FMO4: variants seen among roughly 807,000 people sequenced by gnomAD.
FMO4 encodes the protein flavin containing dimethylaniline monoxygenase 4.
A neutral mutation model predicts 43.3 loss-of-function variants in FMO4; 38 were observed. The observed-to-expected ratio is 0.88, with a 90% CI of 0.68 to 1.15. FMO4 has a LOEUF of 1.15. Ranked by LOEUF, FMO4 falls within the 50% of genes most tolerant of loss-of-function variation. The pLI, the probability that FMO4 is intolerant of heterozygous loss-of-function variation, is 0.00. For synonymous variants in FMO4, 224 were observed against 232.2 expected, an observed-to-expected ratio of 0.96 and a Z score of 0.32; for missense variants, 631 against 663.3, an observed-to-expected ratio of 0.95 and a Z score of 0.54.
chr1:171,337,080 C>T (rs1481519301), intron 8 of FMO4, among the ~76,000 whole-genome samples: 1 of 152,062 alleles, frequency 6.6e-6, no homozygotes, highest in Non-Finnish European at 1.5e-5. Flanking sequence ...CCAACTGGCA[C>T]AGGTGCAGGT....
intron 1 of FMO4, 138 bp downstream of exon 1, chr1:171,314,551 A>AG (rs1662120817): frequency 6.6e-6 from 1 of 152,194 alleles, no homozygotes; most frequent in Admixed American, 6.5e-5. Flanking sequence ...CTAGGGCTAA[A>AG]GCAAGAGAAT....
At chr1:171,325,523 A>C (rs2101887693) in intron 5 of FMO4, among the ~76,000 whole-genome samples, 1 of 152,322 alleles carries the variant, frequency 6.6e-6, no homozygotes, top group East Asian at 1.9e-4. Flanking sequence ...ATGTAATCAC[A>C]AATTGACAAA....
At chr1:171,337,867 T>A (rs186948348) in intron 9 of FMO4, among the ~76,000 whole-genome samples, 2 of 152,298 alleles carry the variant, frequency 1.3e-5, no homozygotes, top group East Asian at 3.9e-4. Flanking sequence ...CCTGTGGCTT[T>A]AAATATCATC....
rs566526015 is a variant in FMO4 at position 171,322,859 on chromosome 1, T to C, written c.133-145T>C. 5 of 625,316 alleles carry C rather than the reference T, an allele frequency of 8.0e-6. 1 individual carries two copies. In the East Asian group the frequency reaches 1.4e-4, roughly 17 times the overall value. The allele number at this position is 625,316 out of a possible 1,614,324, so 38.7% of individuals were successfully genotyped here. A position where few individuals can be genotyped will look rare whatever the true frequency, so the allele number is the denominator to read the frequency against. Reference sequence around the variant, plus strand: ...TAGAGTGAGACTCCATCTAAATCAATCAATCAATAAAAGTAAATAAAATTA... The same window carrying C: ...TAGAGTGAGACTCCATCTAAATCAACCAATCAATAAAAGTAAATAAAATTA... On this transcript the variant is annotated intron_variant, in intron 3 of 9. Transcript: ENST00000367749.
At chr1:171,335,652 T>G (rs1487151804) in intron 8 of FMO4, among the ~76,000 whole-genome samples, 2 of 152,198 alleles carry the variant, frequency 1.3e-5, no homozygotes, top group Non-Finnish European at 2.9e-5. Flanking sequence ...TAGTGTTGAC[T>G]TCTATCAAAC....
At chr1:171,333,077 T>A in intron 7 of FMO4, 169 bp downstream of exon 7, 1 of 512,946 alleles carries the variant, frequency 1.9e-6, no homozygotes, top group Non-Finnish European at 3.4e-6. Context: ...TTTTAAAATA[T>A]ATGTATTCTC....
intron 5 of FMO4, among the ~76,000 whole-genome samples, chr1:171,327,147 C>T (rs1662703508): frequency 6.6e-6 from 1 of 152,224 alleles, no homozygotes; most frequent in Non-Finnish European, 1.5e-5. Context: ...AAGTCCCACT[C>T]TCTAATGCGT....
In FMO4 at chr1:171,337,432, A is replaced by G; in HGVS notation, c.1250+7A>G. On this transcript the variant is annotated splice_region_variant and intron_variant, in intron 9 of 9. Coordinates refer to ENST00000367749, the MANE Select transcript of FMO4 (RefSeq NM_002022.3). ...AGGAACAGCTCATTAAAAGGTATGA[A>G]ATGTAGCTTGCTCTAGGGCAAACTT... The G allele has an allele frequency of 6.3e-7, 1 of 1,598,030 alleles. No individual in the cohort carries two copies. Among genetic ancestry groups the G allele is most frequent in the Non-Finnish European group, 8.6e-7 (1 of 1,165,472 alleles).
At chr1:171,331,598 A>G in intron 5 of FMO4, 42 bp from the exon 6 acceptor site, 1 of 1,602,746 alleles carries the variant, frequency 6.2e-7, no homozygotes, top group East Asian at 2.2e-5. Context: ...AGAAATTATA[A>G]CTTTAGACAT....
intron 2 of FMO4, among the ~76,000 whole-genome samples, chr1:171,318,038 G>A (rs114668282): frequency 4.1e-4 from 63 of 152,166 alleles, no homozygotes; most frequent in African/African-American, 1.4e-3. Context: ...GGACCAGGCC[G>A]GGCACGGTGG....
chr1:171,332,839 A>G lies in FMO4; in HGVS notation c.758A>G (p.Asn253Ser), dbSNP rs1175995926. 1 of 1,611,438 alleles carries G rather than the reference A, an allele frequency of 6.2e-7. No homozygotes were observed. Among genetic ancestry groups the G allele is most frequent in the East Asian group, 2.2e-5 (1 of 44,788 alleles). Residue 253 changes from asparagine (N) to serine (S), a missense_variant, in exon 7 of 10, where the codon AAC becomes AGC. Physicochemically the swap from Asn to Ser is conservative, Grantham distance 46 (BLOSUM62 1). Coordinates refer to ENST00000367749, the MANE Select transcript of FMO4 (RefSeq NM_002022.3). ...CAAGTTCTGCCTTCACGTTTTCTAA[A>G]CTGGATTCAAGAAAGGAAGTTGAAT... ...IAQVLPSRFL[N>S]WIQERKLNKR...
intron 2 of FMO4, among the ~76,000 whole-genome samples, chr1:171,317,589 A>C (rs1360418670): frequency 6.6e-6 from 1 of 152,180 alleles, no homozygotes; most frequent in African/African-American, 2.4e-5. Flanking sequence ...AAATCCAGAA[A>C]AACTGGTAAA....
At position 171,341,592 on chromosome 1, in the gene FMO4, G is replaced by A; in HGVS notation, c.1430G>A (p.Gly477Glu). 6.2e-7 allele frequency: 1 copy of A among 1,614,002 alleles called. No individual in the cohort carries two copies. Among genetic ancestry groups the A allele is most frequent in the Non-Finnish European group, 8.5e-7 (1 of 1,179,972 alleles). ...TATCAGTACCGCCTCATGGGCCCTG[G>A]AAAATGGGATGGAGCCAGAAATGCC... ...TPYQYRLMGPGKWDGARNAIL... is the reference protein window; with the variant it reads ...TPYQYRLMGPEKWDGARNAIL... Residue 477 changes from glycine (G) to glutamate (E), a missense_variant, in exon 10 of 10, where the codon GGA (glycine) becomes GAA (glutamate). Transcript: ENST00000367749.
intron 3 of FMO4, among the ~76,000 whole-genome samples, chr1:171,321,933 G>A (rs904873400): frequency 2.0e-5 from 3 of 152,318 alleles, no homozygotes; most frequent in Non-Finnish European, 4.4e-5. Flanking sequence ...ACTTCTTAGA[G>A]AAAGTGACAG....
rs997290719 is a variant in FMO4, at chr1:171,332,691, C to T, written c.628-18C>T. ...GATGAACATTTATTTATCCTTCTTGCCTTACTTTACTTTTTAGGTACTTCT... is the reference window on the plus strand; with the variant it reads ...GATGAACATTTATTTATCCTTCTTGTCTTACTTTACTTTTTAGGTACTTCT... On this transcript the variant is annotated intron_variant, in intron 6 of 9. Transcript: ENST00000367749. 6 of 1,594,004 alleles carry T rather than the reference C, an allele frequency of 3.8e-6. No homozygotes were observed. In the African/African-American group the frequency reaches 8.1e-5, roughly 21 times the overall value.
intron 5 of FMO4, among the ~76,000 whole-genome samples, chr1:171,325,011 G>C (rs994927129): frequency 1.3e-5 from 2 of 152,180 alleles, no homozygotes; most frequent in African/African-American, 4.8e-5. Flanking sequence ...AGCAGGCTGA[G>C]GCACAAGAAT....
intron 9 of FMO4, among the ~76,000 whole-genome samples, chr1:171,338,885 G>T (rs924634873): frequency 6.6e-6 from 1 of 152,114 alleles, no homozygotes; most frequent in African/African-American, 2.4e-5. Flanking sequence ...ACCTACAATG[G>T]TGCCTGGAAT....
chr1:171,323,599 G>A (rs1662530785), intron 4 of FMO4, among the ~76,000 whole-genome samples: 1 of 152,164 alleles, frequency 6.6e-6, no homozygotes, highest in African/African-American at 2.4e-5. Context: ...GGGAGGCAGA[G>A]GTTGCAGTGA....
chr1:171,315,900 G>T (rs1035066235), intron 1 of FMO4, among the ~76,000 whole-genome samples: 13 of 152,148 alleles, frequency 8.5e-5, no homozygotes, highest in Admixed American at 8.5e-4. Context: ...CATGCCTAGA[G>T]CATGCTGCTA....
Sources: allele counts gnomAD v4.1 joint callset (sites outside exome capture counted in the v4.1 genomes callset), GRCh38; gene constraint gnomAD v4.1.1; transcripts MANE v1.5; gene names NCBI Gene and HGNC (gene_info 2026-07-23, HGNC 2026-07-21).